SS18: variants seen among roughly 807,000 people sequenced by gnomAD.
The protein encoded by SS18 is SS18 subunit of BAF chromatin remodeling complex, also known as protein SSXT.
In SS18, 28 loss-of-function variants were observed where a neutral mutation model predicts 72.5. The ratio of observed to expected loss-of-function variants is 0.39; its 90% CI spans 0.29 to 0.53. SS18 has a LOEUF of 0.53. SS18 is among the 20% of genes least tolerant of loss of function. The pLI, the probability that SS18 is intolerant of heterozygous loss-of-function variation, is 0.76. For synonymous variants in SS18, 172 were observed against 164.2 expected (o/e 1.05, Z -0.37); for missense variants, 518 against 535.3 (o/e 0.97, Z 0.32).
chr18:26,039,168 CAAAAAAAAA>C lies in SS18; in HGVS notation c.775+112_775+120del, dbSNP rs34318951. ...TACTTACTAGAACCCTACCTTTTGT[CAAAAAAAAA>C]AAAAAAAAAAAAAAAAAAGAAAACG... On this transcript the variant is annotated intron_variant, in intron 6 of 10. Coordinates refer to ENST00000415083, the MANE Select transcript of SS18 (RefSeq NM_001007559.3). 696 of 251,562 alleles carry C rather than the reference CAAAAAAAAA, an allele frequency of 2.8e-3. 2 individuals carry two copies. Among genetic ancestry groups the C allele is most frequent in the African/African-American group, 0.019 (524 of 28,076 alleles). 15.6% of individuals were successfully genotyped at this position (251,562 alleles called of 1,614,324 possible). A position where few individuals can be genotyped will look rare whatever the true frequency, so the allele number is the denominator to read the frequency against.
At chr18:26,058,698 A>G (rs1294897630) in intron 3 of SS18, among the ~76,000 whole-genome samples, 1 of 152,236 alleles carries the variant, frequency 6.6e-6, no homozygotes, top group Non-Finnish European at 1.5e-5. Flanking sequence ...TCAAACCTCC[A>G]AACAGTTAAT....
chr18:26,042,724 G>A (rs1371741958), intron 5 of SS18, among the ~76,000 whole-genome samples: 2 of 151,826 alleles, frequency 1.3e-5, no homozygotes, highest in Non-Finnish European at 2.9e-5. Flanking sequence ...CCCAGGCTAG[G>A]AGCCATGGTA....
chr18:26,032,308 G>A (rs1332843395), intron 10 of SS18, 91 bp downstream of exon 10: 1 of 1,442,456 alleles, frequency 6.9e-7, no homozygotes, highest in East Asian at 2.3e-5. Context: ...GGAAACATGA[G>A]GCTTCAAGTT....
At chr18:26,046,101 C>T (rs569104420) in intron 5 of SS18, among the ~76,000 whole-genome samples, 3 of 144,560 alleles carry the variant, frequency 2.1e-5, no homozygotes, top group South Asian at 4.3e-4. Context: ...GCAGGAGAAT[C>T]GAAACACTTG....
intron 3 of SS18, among the ~76,000 whole-genome samples, chr18:26,072,579 C>T (rs569256168): frequency 3.9e-5 from 6 of 152,020 alleles, no homozygotes; most frequent in Non-Finnish European, 7.4e-5. Context: ...AGACGGATCA[C>T]GAGGTCAGGA....
chr18:26,061,041 C>T (rs944557125), intron 3 of SS18, among the ~76,000 whole-genome samples: 5 of 151,282 alleles, frequency 3.3e-5, no homozygotes, highest in Admixed American at 6.6e-5. Context: ...AGGCTGGACA[C>T]GGTGGCCCAC....
chr18:26,064,508 A>G (rs2144061959), intron 3 of SS18, among the ~76,000 whole-genome samples: 1 of 152,104 alleles, frequency 6.6e-6, no homozygotes, highest in South Asian at 2.1e-4. Context: ...CCAAATCATC[A>G]AAGTAAAATC....
intron 2 of SS18, among the ~76,000 whole-genome samples, chr18:26,079,881 G>A (rs1407376264): frequency 2.0e-5 from 3 of 151,800 alleles, no homozygotes; most frequent in Non-Finnish European, 2.9e-5. Flanking sequence ...GTACCCAGCC[G>A]AATCCTAGCA....
intron 5 of SS18, among the ~76,000 whole-genome samples, chr18:26,040,983 T>C (rs780443834): frequency 6.6e-6 from 1 of 152,222 alleles, no homozygotes; most frequent in Non-Finnish European, 1.5e-5. Context: ...GTAAGGACCC[T>C]AATTCTCAAT....
intron 9 of SS18, among the ~76,000 whole-genome samples, chr18:26,033,795 A>G (rs1455434966): frequency 1.3e-5 from 2 of 152,126 alleles, no homozygotes; most frequent in African/African-American, 2.4e-5. Flanking sequence ...ACAGCATTTA[A>G]CTATAATACT....
chr18:26,039,804 TATC>T (rs1234855537), intron 5 of SS18, among the ~76,000 whole-genome samples: 1 of 152,204 alleles, frequency 6.6e-6, no homozygotes, highest in Admixed American at 6.5e-5. Flanking sequence ...CTTGAGAAGA[TATC>T]ATCCTTATGC....
At chr18:26,021,642 AAGGGTGT>A (rs1180491262) in intron 10 of SS18, among the ~76,000 whole-genome samples, 1 of 152,182 alleles carries the variant, frequency 6.6e-6, no homozygotes, top group African/African-American at 2.4e-5. Flanking sequence ...AAACTAAGAT[AAGGGTGT>A]AGGTTAGAAA....
At chr18:26,060,375 G>A (rs1198466797) in intron 3 of SS18, among the ~76,000 whole-genome samples, 2 of 152,130 alleles carry the variant, frequency 1.3e-5, no homozygotes, top group Non-Finnish European at 2.9e-5. Flanking sequence ...TAGATTTGCT[G>A]TTGCCAGGGG....
chr18:26,019,593 T>C (rs2053308840), intron 10 of SS18, among the ~76,000 whole-genome samples: 1 of 151,920 alleles, frequency 6.6e-6, no homozygotes, highest in African/African-American at 2.4e-5. Flanking sequence ...GGTGATTCAC[T>C]TGAGGTCAGG....
chr18:26,046,129 T>C (rs953141335), intron 5 of SS18, among the ~76,000 whole-genome samples: 3 of 143,116 alleles, frequency 2.1e-5, no homozygotes, highest in Non-Finnish European at 4.5e-5. Flanking sequence ...GAAGTGGAGG[T>C]TGCAATGAGC....
chr18:26,055,893 G>C (rs2054012433), intron 4 of SS18, among the ~76,000 whole-genome samples: 1 of 151,856 alleles, frequency 6.6e-6, no homozygotes, highest in Non-Finnish European at 1.5e-5. Context: ...GAGTAGCTGG[G>C]ATTACAGACG....
intron 5 of SS18, among the ~76,000 whole-genome samples, chr18:26,040,109 C>T (rs2053698047): frequency 6.6e-6 from 1 of 152,128 alleles, no homozygotes; most frequent in African/African-American, 2.4e-5. Context: ...TGTTAAAAGA[C>T]ACATACATTA....
intron 1 of SS18, among the ~76,000 whole-genome samples, chr18:26,089,165 G>A (rs1039640961): frequency 1.3e-5 from 2 of 151,742 alleles, no homozygotes; most frequent in African/African-American, 4.8e-5. Flanking sequence ...AGCATCCTCC[G>A]AATTAATCAT....
chr18:26,018,286 G>A lies in SS18; in HGVS notation c.*68C>T. 3.8e-6 allele frequency: 5 copies of A among 1,307,022 alleles called. No homozygotes were observed. Among genetic ancestry groups the A allele is most frequent in the South Asian group, 2.6e-5 (2 of 77,462 alleles). The allele number at this position is 1,307,022 out of a possible 1,614,324, so 81.0% of individuals were successfully genotyped here. On this transcript the variant is annotated 3_prime_UTR_variant, in exon 11 of 11. Coordinates refer to ENST00000415083, the MANE Select transcript of SS18 (RefSeq NM_001007559.3). ...AATGGAAGGATCTCTTCACAGGGAG[G>A]TGTCCACAGTGCTGAGGTGACAATA...
Sources: gnomAD v4.1 joint callset for allele counts (sites outside exome capture counted in the v4.1 genomes callset) on GRCh38, gnomAD v4.1.1 for gene constraint, MANE v1.5 for transcripts, NCBI Gene and HGNC (gene_info 2026-07-23, HGNC 2026-07-21) for gene names.